Variants in SLC9B1 observed in about 807,000 individuals in gnomAD.
The protein encoded by SLC9B1 is sodium/hydrogen exchanger 9B1.
Under a neutral mutation model 51.7 loss-of-function variants are expected in SLC9B1, and 32 were observed. The ratio of observed to expected loss-of-function variants is 0.62; its 90% CI spans 0.47 to 0.83. The LOEUF is 0.83. Ranked by LOEUF, SLC9B1 falls within the 40% of genes least tolerant of loss-of-function variation. The pLI, the probability that SLC9B1 is intolerant of heterozygous loss-of-function variation, is 0.00. For missense variants in SLC9B1, 406 were observed against 613.2 expected, an observed-to-expected ratio of 0.66 and a Z score of 3.57; for synonymous variants, 145 against 212.7, an observed-to-expected ratio of 0.68 and a Z score of 2.77.
chr4:102,930,323 T>C (rs1370097165), intron 7 of SLC9B1, among the ~76,000 whole-genome samples: 1 of 152,208 alleles, frequency 6.6e-6, no homozygotes, highest in African/African-American at 2.4e-5. Flanking sequence ...TAAATGTAGA[T>C]ATCTTTTAGA....
At chr4:102,974,138 G>C (rs1439483285) in intron 3 of SLC9B1, among the ~76,000 whole-genome samples, 1 of 150,656 alleles carries the variant, frequency 6.6e-6, no homozygotes, top group Non-Finnish European at 1.5e-5. Flanking sequence ...TCAGGAGGCT[G>C]AGGCAGAAGA....
intron 1 of SLC9B1, among the ~76,000 whole-genome samples, chr4:103,011,939 C>G (rs558713912): frequency 6.6e-6 from 1 of 152,330 alleles, no homozygotes; most frequent in South Asian, 2.1e-4. Context: ...GGCCACTCCT[C>G]CACTGACTTG....
intron 1 of SLC9B1, among the ~76,000 whole-genome samples, chr4:103,004,864 T>A (rs1740699121): frequency 1.3e-5 from 2 of 152,108 alleles, no homozygotes; most frequent in South Asian, 4.1e-4. Flanking sequence ...AGAAATAAGA[T>A]CCTTTCAGAC....
downstream of SLC9B1, among the ~76,000 whole-genome samples, chr4:102,896,013 G>T (rs1381099671): frequency 6.6e-6 from 1 of 152,158 alleles, no homozygotes; most frequent in African/African-American, 2.4e-5. Flanking sequence ...ATGCAGATTT[G>T]TAGGCATTTA....
chr4:102,994,816 C>T (rs777458875), intron 1 of SLC9B1, among the ~76,000 whole-genome samples: 4 of 152,122 alleles, frequency 2.6e-5, no homozygotes, highest in Non-Finnish European at 5.9e-5. Flanking sequence ...GATCTCATGA[C>T]GTGATCACAT....
chr4:103,009,145 C>A (rs1740963603), intron 1 of SLC9B1, among the ~76,000 whole-genome samples: 1 of 152,160 alleles, frequency 6.6e-6, no homozygotes, highest in Non-Finnish European at 1.5e-5. Context: ...GAGGGGCATA[C>A]CAAGAAATAG....
chr4:102,965,314 T>G (rs1284296594), intron 3 of SLC9B1, among the ~76,000 whole-genome samples: 1 of 152,086 alleles, frequency 6.6e-6, no homozygotes, highest in African/African-American at 2.4e-5. Context: ...GGTGAGGGCT[T>G]TAGTAGTGCA....
chr4:103,004,020 G>T (rs1455874078), intron 1 of SLC9B1, among the ~76,000 whole-genome samples: 2 of 152,098 alleles, frequency 1.3e-5, no homozygotes, highest in Admixed American at 6.5e-5. Flanking sequence ...CAAGAACTCT[G>T]GCAACTCAAG....
chr4:103,007,229 T>C lies in SLC9B1; in HGVS notation c.-2+12370A>G, dbSNP rs138493132. Among the ~76,000 whole-genome samples the C allele has an allele frequency of 1.6e-3, 245 of 152,238 alleles. 5 individuals are homozygous for C. In the East Asian group the frequency reaches 0.042, roughly 26 times the overall value. On this transcript the variant is annotated intron_variant, in intron 1 of 11. Coordinates refer to ENST00000296422, the MANE Select transcript of SLC9B1 (RefSeq NM_139173.4). The stretch of plus-strand genomic sequence containing the variant: ...ATGATTCTACACCTAGAAAACCCCA[T>C]AGTCTCTGCCCAAAAGCTCCTAGAT...
At chr4:102,969,221 G>C (rs765716113) in intron 3 of SLC9B1, among the ~76,000 whole-genome samples, 2 of 152,158 alleles carry the variant, frequency 1.3e-5, no homozygotes, top group Non-Finnish European at 2.9e-5. Context: ...AGAATGGGCA[G>C]AGCTCCTGGT....
chr4:102,969,715 C>T (rs1455438028), intron 3 of SLC9B1, among the ~76,000 whole-genome samples: 2 of 152,102 alleles, frequency 1.3e-5, no homozygotes, highest in African/African-American at 4.8e-5. Context: ...TGTTCGAACC[C>T]ATTGCAAGGA....
rs749496770 is a variant in SLC9B1, at chr4:102,991,698, T to C, written c.14A>G (p.Glu5Gly). The change falls in exon 2 of 12, where the codon GAA becomes GGA. Residue 5 changes from glutamate (E) to glycine (G), a missense_variant. Transcript: ENST00000296422. ...ATCCTCCAAATGTTCATTTTTTGAT[T>C]CTGTGGTATGCATGCTAAGATTTAA... The part of the protein sequence containing the change: MHTT[E>G]SKNEHLEDEN... The C allele has an allele frequency of 6.3e-7, 1 of 1,585,080 alleles. No homozygotes were observed. The highest frequency in any genetic ancestry group is 2.3e-5 in the East Asian group (1 of 43,974).
At chr4:102,930,633 T>C (rs1450359470) in intron 7 of SLC9B1, among the ~76,000 whole-genome samples, 4 of 152,028 alleles carry the variant, frequency 2.6e-5, no homozygotes, top group Non-Finnish European at 5.9e-5. Flanking sequence ...GGTCTTGAAC[T>C]CCTGATCTCA....
intron 1 of SLC9B1, among the ~76,000 whole-genome samples, chr4:103,011,480 A>G (rs1741083493): frequency 1.3e-5 from 2 of 152,186 alleles, no homozygotes; most frequent in Non-Finnish European, 2.9e-5. Flanking sequence ...CTCTGCCCCC[A>G]TAGCTCCACT....
intron 3 of SLC9B1, among the ~76,000 whole-genome samples, chr4:102,971,126 C>T (rs906198835): frequency 2.0e-5 from 3 of 152,134 alleles, no homozygotes; most frequent in African/African-American, 7.2e-5. Flanking sequence ...CTCAGCTCTG[C>T]AACAAGCAGA....
chr4:102,959,833 T>C (rs1738005508), intron 3 of SLC9B1, among the ~76,000 whole-genome samples: 1 of 152,080 alleles, frequency 6.6e-6, no homozygotes, highest in Non-Finnish European at 1.5e-5. Context: ...AAAAAGTAAA[T>C]ATCAGTCTAC....
At chr4:102,973,161 A>G (rs1471014388) in intron 3 of SLC9B1, among the ~76,000 whole-genome samples, 1 of 152,206 alleles carries the variant, frequency 6.6e-6, no homozygotes, top group African/African-American at 2.4e-5. Context: ...AAAGACAGAC[A>G]CTTGAAGACT....
intron 2 of SLC9B1, among the ~76,000 whole-genome samples, chr4:102,991,235 C>A (rs946547916): frequency 1.3e-5 from 2 of 151,858 alleles, no homozygotes; most frequent in African/African-American, 4.8e-5. Flanking sequence ...AAAACTAGAT[C>A]AACAAAAGGT....
At chr4:102,895,486 G>A (rs1293973918) in intron 11 of SLC9B1, among the ~76,000 whole-genome samples, 1 of 152,106 alleles carries the variant, frequency 6.6e-6, no homozygotes, top group Non-Finnish European at 1.5e-5. Flanking sequence ...TGGGGACATT[G>A]CCTTGTGGGT....
Sources: allele counts gnomAD v4.1 joint callset (sites outside exome capture counted in the v4.1 genomes callset), GRCh38; gene constraint gnomAD v4.1.1; transcripts MANE v1.5; gene names NCBI Gene and HGNC (gene_info 2026-07-23, HGNC 2026-07-21).